FBRSL1: variants seen among roughly 807,000 people sequenced by gnomAD.
FBRSL1 encodes the protein fibrosin-1-like protein.
Under a neutral mutation model 89.6 loss-of-function variants are expected in FBRSL1, and 51 were observed. The ratio of observed to expected loss-of-function variants is 0.57; its 90% CI spans 0.45 to 0.72. The LOEUF (loss-of-function observed/expected upper bound fraction) is 0.72, where lower values mean the gene tolerates loss of function less well. FBRSL1 is among the 30% of genes least tolerant of loss of function. The pLI, the probability that FBRSL1 is intolerant of heterozygous loss-of-function variation, is 0.00. For synonymous variants in FBRSL1, 779 were observed against 681.1 expected (o/e 1.14, Z -2.24); for missense variants, 1,618 against 1,451.8 (o/e 1.11, Z -1.86).
chr12:132,574,611 G>A, intron 14 of FBRSL1, 47 bp downstream of exon 14: 1 of 1,532,030 alleles, frequency 6.5e-7, no homozygotes. Context: ...CCCGACTCCA[G>A]CCTGGTCGGG....
In FBRSL1 at chr12:132,490,957, C is replaced by T. The variant is rs2030795523; in HGVS notation, c.291+96C>T. 6.2e-6 allele frequency: 6 copies of T among 972,960 alleles called. No individual in the cohort carries two copies. In the South Asian group the frequency reaches 1.5e-4, roughly 24 times the overall value. The allele number at this position is 972,960 out of a possible 1,614,324, so 60.3% of individuals were successfully genotyped here. ...CCCGGGACCCCTGGGCTTGCGACCG[C>T]CCGCGCCGTGGGCAGCCCTGAGGGA... On this transcript the variant is annotated intron_variant, in intron 1 of 18. Transcript: ENST00000680143.
chr12:132,546,369 A>T lies in FBRSL1; in HGVS notation c.616-1634A>T, dbSNP rs2037685906. On this transcript the variant is annotated intron_variant, in intron 4 of 18. Coordinates refer to ENST00000680143, the MANE Select transcript of FBRSL1 (RefSeq NM_001367871.1). The surrounding 1 kb of genome is among the most constrained non-coding windows in gnomAD (Gnocchi z 4.0). ...CCGGGGCGGGATGGGCCCGGTTCTG[A>T]CTTGGAGCCCTCAGTTCTTGTGTGG... 6.6e-6 allele frequency among the ~76,000 whole-genome samples: 1 copy of T among 152,094 alleles called. No individual in the cohort carries two copies. Among genetic ancestry groups the T allele is most frequent in the South Asian group, 2.1e-4 (1 of 4,820 alleles).
chr12:132,559,758 CTTG>C (rs938394962), intron 5 of FBRSL1, among the ~76,000 whole-genome samples: 1 of 152,198 alleles, frequency 6.6e-6, no homozygotes, highest in South Asian at 2.1e-4. Flanking sequence ...TCCGTAACTT[CTTG>C]TTGTGAGGAC....
At position 132,548,049 on chromosome 12, in the gene FBRSL1, CCTCCTGGG is replaced by C; in HGVS notation, c.645+21_645+28del. On this transcript the variant is annotated intron_variant, in intron 5 of 18. Transcript: ENST00000680143. ...GACGACAAGGTAAGCCCAGCGTCCT[CCTCCTGGG>C]CTCGGCTGACAGCCCTGCCCTTCCC... The C allele has an allele frequency of 1.3e-6, 2 of 1,549,946 alleles. No individual in the cohort carries two copies. Among genetic ancestry groups the C allele is most frequent in the Non-Finnish European group, 1.7e-6 (2 of 1,146,510 alleles).
intron 5 of FBRSL1, chr12:132,553,632 G>A (rs371808003): frequency 5.3e-5 from 8 of 152,204 alleles, no homozygotes; most frequent in African/African-American, 1.2e-4. Context: ...TGACCACCAC[G>A]GAGCAAGCGC....
intron 15 of FBRSL1, among the ~76,000 whole-genome samples, chr12:132,577,310 A>G (rs897940693): frequency 6.6e-6 from 1 of 152,130 alleles, no homozygotes; most frequent in Non-Finnish European, 1.5e-5. Flanking sequence ...TGGCCCCACC[A>G]GAGGCAAAGG....
chr12:132,536,541 A>G (rs2036761783), intron 4 of FBRSL1, among the ~76,000 whole-genome samples: 1 of 147,244 alleles, frequency 6.8e-6, no homozygotes, highest in South Asian at 2.2e-4. Flanking sequence ...GGTGTGTGCT[A>G]TGTGTACATG....
chr12:132,537,503 A>G (rs965360044), intron 4 of FBRSL1, among the ~76,000 whole-genome samples: 12 of 152,138 alleles, frequency 7.9e-5, no homozygotes, highest in Non-Finnish European at 1.5e-4. Flanking sequence ...TATTTGTGGC[A>G]GTCGCGACTT....
chr12:132,509,556 T>A (rs908713825), intron 2 of FBRSL1: 4 of 1,232,628 alleles, frequency 3.2e-6, no homozygotes, highest in African/African-American at 3.1e-5. Context: ...GCGCCTGCGG[T>A]CCCTGCTGAC....
At chr12:132,562,019 C>T (rs2039170115) in intron 5 of FBRSL1, among the ~76,000 whole-genome samples, 1 of 151,950 alleles carries the variant, frequency 6.6e-6, no homozygotes, top group African/African-American at 2.4e-5. Context: ...CCCTGGAGGC[C>T]CAAAGGCTGG....
chr12:132,579,033 G>A (rs1452746219), intron 15 of FBRSL1, among the ~76,000 whole-genome samples: 20 of 120,860 alleles, frequency 1.7e-4, no homozygotes, highest in Non-Finnish European at 1.7e-5. Flanking sequence ...CCGCCCCACC[G>A]ACCCTGCTCC....
intron 2 of FBRSL1, chr12:132,511,707 C>T (rs1216489297): frequency 2.0e-6 from 2 of 985,156 alleles, no homozygotes; most frequent in Non-Finnish European, 2.4e-6. Context: ...GTCCCTGGCT[C>T]CCAGGCCAGG....
At chr12:132,517,185 C>T (rs1035095793) in intron 2 of FBRSL1, among the ~76,000 whole-genome samples, 1 of 152,198 alleles carries the variant, frequency 6.6e-6, no homozygotes, top group Non-Finnish European at 1.5e-5. Context: ...CAGGCTGGGT[C>T]ACAGGGTCCT....
At chr12:132,494,216 A>G (rs1438493521) in intron 1 of FBRSL1, among the ~76,000 whole-genome samples, 3 of 151,478 alleles carry the variant, frequency 2.0e-5, no homozygotes, top group African/African-American at 7.3e-5. Context: ...TCCTGTGACA[A>G]CTCTGTCCCC....
chr12:132,492,987 G>T (rs530932584), intron 1 of FBRSL1, among the ~76,000 whole-genome samples: 1 of 152,176 alleles, frequency 6.6e-6, no homozygotes, highest in Non-Finnish European at 1.5e-5. Flanking sequence ...TCTCCATCAG[G>T]CAGTGTTCTG....
chr12:132,578,861 G>A (rs1324904884), intron 15 of FBRSL1, among the ~76,000 whole-genome samples: 3 of 152,240 alleles, frequency 2.0e-5, no homozygotes, highest in South Asian at 4.1e-4. Context: ...ACATGAGGCT[G>A]GCTTCACAAG....
At chr12:132,564,174 C>T (rs2039394809) in intron 5 of FBRSL1, among the ~76,000 whole-genome samples, 1 of 152,210 alleles carries the variant, frequency 6.6e-6, no homozygotes, top group Non-Finnish European at 1.5e-5. Context: ...AGTTGCTGGA[C>T]ACGGGTGTCC....
intron 2 of FBRSL1, among the ~76,000 whole-genome samples, chr12:132,518,305 C>A (rs1310760378): frequency 6.6e-6 from 1 of 150,808 alleles, no homozygotes; most frequent in Non-Finnish European, 1.5e-5. Context: ...ATCCACCCAT[C>A]TGTCCATCCA....
intron 7 of FBRSL1, 38 bp from the exon 8 acceptor site, chr12:132,570,297 G>C (rs1163568575): frequency 1.1e-5 from 16 of 1,516,664 alleles, no homozygotes; most frequent in Non-Finnish European, 1.4e-5. Flanking sequence ...GGCTCTGCAG[G>C]GGTCGGGCTG....
Sources: allele counts gnomAD v4.1 joint callset (sites outside exome capture counted in the v4.1 genomes callset), GRCh38; gene constraint gnomAD v4.1.1; non-coding constraint Gnocchi (gnomAD v3.1); transcripts MANE v1.5; gene names NCBI Gene and HGNC (gene_info 2026-07-23, HGNC 2026-07-21).